NCOR2: variants seen among roughly 807,000 people sequenced by gnomAD.
The protein encoded by NCOR2 is CTG repeat protein 26.
In NCOR2, 81 loss-of-function variants were observed where a neutral mutation model predicts 262.9. The ratio of observed to expected loss-of-function variants is 0.31; its 90% confidence interval spans 0.26 to 0.37. NCOR2 has a LOEUF of 0.37. Among genes scored for constraint, NCOR2 ranks in the 10% least tolerant of loss-of-function variants. The pLI is 1.00. For synonymous variants in NCOR2, 1,659 were observed against 1,559.3 expected (o/e 1.06, Z -1.51); for missense variants, 3,385 against 3,621.4 (o/e 0.93, Z 1.68).
At chr12:124,416,638 T>C (rs1201895269) in intron 13 of NCOR2, among the ~76,000 whole-genome samples, 3 of 116,062 alleles carry the variant, frequency 2.6e-5, no homozygotes, top group Non-Finnish European at 5.1e-5. Context: ...GCGGCACAGA[T>C]AGACCCGTGG....
At chr12:124,355,659 C>T (rs2037889741) in intron 23 of NCOR2, 88 bp from the exon 26 acceptor site, 6 of 1,444,864 alleles carry the variant, frequency 4.2e-6, no homozygotes, top group Non-Finnish European at 5.4e-6. Flanking sequence ...CCACCTCTTC[C>T]CTGTCCTGGC....
At chr12:124,469,871 A>G (rs1345868755) in intron 4 of NCOR2, among the ~76,000 whole-genome samples, 2 of 152,196 alleles carry the variant, frequency 1.3e-5, no homozygotes, top group African/African-American at 4.8e-5. Flanking sequence ...GGAAGATAAA[A>G]AAGGGTTGGT....
chr12:124,373,644 C>A (rs1273192584), intron 19 of NCOR2, among the ~76,000 whole-genome samples: 1 of 130,758 alleles, frequency 7.6e-6, no homozygotes, highest in Admixed American at 7.5e-5. Context: ...TGCGCAGGGG[C>A]CCCGGGCACA....
exon 16 of NCOR2, chr12:124,398,178 G>A: frequency 6.2e-7 from 1 of 1,614,206 alleles, no homozygotes; most frequent in Non-Finnish European, 8.5e-7. Flanking sequence ...CAGCTCCATG[G>A]AGGCTGAAAA....
intron 1 of NCOR2, chr12:124,556,026 AT>A (rs2051872301): frequency 6.6e-6 from 1 of 152,244 alleles, no homozygotes; most frequent in African/African-American, 2.4e-5. Flanking sequence ...GATTATGCCC[AT>A]TTTATAGATG....
At chr12:124,551,358 C>T (rs1054591140) in intron 1 of NCOR2, among the ~76,000 whole-genome samples, 1 of 152,202 alleles carries the variant, frequency 6.6e-6, no homozygotes, top group African/African-American at 2.4e-5. Flanking sequence ...AGGAGAGCAG[C>T]GCGCACAGAT....
chr12:124,565,627 C>A (rs1203912187), intron 1 of NCOR2, among the ~76,000 whole-genome samples: 1 of 150,904 alleles, frequency 6.6e-6, no homozygotes, highest in Non-Finnish European at 1.5e-5. Context: ...AAGGCCCAAT[C>A]TTAGAACCCA....
chr12:124,335,025 C>T (rs1168086892), intron 40 of NCOR2, 110 bp downstream of exon 42: 2 of 1,545,826 alleles, frequency 1.3e-6, no homozygotes, highest in East Asian at 2.3e-5. Flanking sequence ...GCCCTGGATC[C>T]CCCAGCCACC....
At chr12:124,339,908 T>TCCC in intron 37 of NCOR2, 98 bp downstream of exon 39, 2 of 156,240 alleles carry the variant, frequency 1.3e-5, no homozygotes, top group Admixed American at 1.0e-4. Flanking sequence ...CCCACCCACC[T>TCCC]CCCATATACC....
intron 14 of NCOR2, among the ~76,000 whole-genome samples, chr12:124,402,163 C>T (rs2042017947): frequency 6.6e-6 from 1 of 152,124 alleles, no homozygotes; most frequent in African/African-American, 2.4e-5. Flanking sequence ...TCTAAAGTCT[C>T]CAGAGGGTTG....
chr12:124,493,093 A>G (rs868615446), intron 1 of NCOR2, among the ~76,000 whole-genome samples: 15 of 152,178 alleles, frequency 9.9e-5, no homozygotes, highest in Non-Finnish European at 1.0e-4. Flanking sequence ...GGCCCTGTCC[A>G]CCCACATCCT....
intron 16 of NCOR2, among the ~76,000 whole-genome samples, chr12:124,395,442 C>T (rs964344633): frequency 9.9e-5 from 15 of 152,210 alleles, no homozygotes; most frequent in African/African-American, 2.2e-4. Flanking sequence ...CTGCTGCTCA[C>T]GACATTATTA....
Position 124,416,735 on chromosome 12 carries a change from C to T in NCOR2, c.1482+3222G>A, listed in dbSNP as rs371420585. On this transcript the variant is annotated intron_variant, in intron 13 of 46. Coordinates refer to ENST00000405201, the Ensembl canonical transcript of NCOR2. ...GAACCCGCGGCACAGGGAGTCCCCGCGGCACAGATAGACCCCGCGGCACAG... is the reference window on the plus strand; with the variant it reads ...GAACCCGCGGCACAGGGAGTCCCCGTGGCACAGATAGACCCCGCGGCACAG... 4.1e-3 allele frequency among the ~76,000 whole-genome samples: 604 copies of T among 146,430 alleles called. 8 individuals carry two copies. The highest frequency in any genetic ancestry group is 0.018 in the East Asian group (79 of 4,502).
At chr12:124,539,952 C>T (rs551398956), upstream of NCOR2, among the ~76,000 whole-genome samples, 6 of 152,256 alleles carry the variant, frequency 3.9e-5, no homozygotes, top group African/African-American at 9.6e-5. This position sits in a 1 kb window ranked among gnomAD's most constrained non-coding sequence, Gnocchi z 5.1. Flanking sequence ...CAGAGCCAGC[C>T]GACATTCAAA....
At chr12:124,470,115 A>G (rs1005989678) in intron 4 of NCOR2, among the ~76,000 whole-genome samples, 2 of 151,736 alleles carry the variant, frequency 1.3e-5, no homozygotes, top group African/African-American at 4.8e-5. Flanking sequence ...CCAGTGAGCC[A>G]AGATGGCACC....
chr12:124,421,597 C>G lies in NCOR2; in HGVS notation c.1383+904G>C, dbSNP rs529301009. ...CTGTCCTTTAAAATAAGTGCCTCAT[C>G]CTCCTGGCCTCCCTCCTACAACCAG... is the stretch of plus-strand genomic sequence containing the variant. On this transcript the variant is annotated intron_variant, in intron 12 of 46. Transcript: ENST00000405201. Among the ~76,000 whole-genome samples the G allele has an allele frequency of 1.4e-4, 22 of 152,342 alleles. No homozygotes were observed. In the East Asian group the frequency reaches 2.5e-3, roughly 17 times the overall value.
intron 1 of NCOR2, among the ~76,000 whole-genome samples, chr12:124,519,721 A>G (rs1297002394): frequency 6.6e-6 from 1 of 152,140 alleles, no homozygotes; most frequent in Non-Finnish European, 1.5e-5. Context: ...TAACAATAAC[A>G]GTGGCCACAC....
chr12:124,336,512 G>T, intron 38 of NCOR2: 1 of 1,133,706 alleles, frequency 8.8e-7, no homozygotes, highest in Non-Finnish European at 1.2e-6. Context: ...AAACCGGCGA[G>T]GACGGATGGG....
intron 16 of NCOR2, 62 bp downstream of exon 18, chr12:124,398,057 C>G (rs374552502): frequency 6.3e-7 from 1 of 1,591,370 alleles, no homozygotes; most frequent in Admixed American, 1.7e-5. Context: ...CTCCCCAGCA[C>G]GTGAGCTTCA....
Sources: allele counts gnomAD v4.1 joint callset (sites outside exome capture counted in the v4.1 genomes callset), GRCh38; gene constraint gnomAD v4.1.1; non-coding constraint Gnocchi (gnomAD v3.1); transcripts MANE v1.5; gene names NCBI Gene and HGNC (gene_info 2026-07-23, HGNC 2026-07-21).